The following KLHL1 variants were observed in gnomAD, a reference collection of about 807,000 sequenced individuals.
The protein encoded by KLHL1 is kelch like family member 1.
In KLHL1, 47 loss-of-function variants were observed where a neutral mutation model predicts 77.7. The observed-to-expected ratio is 0.60, with a 90% CI of 0.48 to 0.77. The LOEUF is 0.77. KLHL1 is among the 30% of genes least tolerant of loss of function. The pLI is 0.00. For missense variants in KLHL1, 925 were observed against 910.8 expected, an observed-to-expected ratio of 1.02 and a Z score of -0.20; for synonymous variants, 360 against 325.2, an observed-to-expected ratio of 1.11 and a Z score of -1.15.
chr13:69,953,487 T>C (rs2137258019), intron 3 of KLHL1, among the ~76,000 whole-genome samples: 1 of 151,310 alleles, frequency 6.6e-6, no homozygotes, highest in East Asian at 1.9e-4. Flanking sequence ...AATTAGGCCA[T>C]GATTTTACAT....
intron 6 of KLHL1, among the ~76,000 whole-genome samples, chr13:69,817,003 AG>A (rs1237674535): frequency 2.6e-5 from 4 of 151,846 alleles, no homozygotes; most frequent in Non-Finnish European, 5.9e-5. Flanking sequence ...TAATAAAAAA[AG>A]CTTTACAACA....
intron 5 of KLHL1, among the ~76,000 whole-genome samples, chr13:69,852,558 A>G (rs1879733524): frequency 6.6e-6 from 1 of 152,032 alleles, no homozygotes; most frequent in African/African-American, 2.4e-5. Flanking sequence ...AGAAGGTATC[A>G]GTCAGCATTT....
intron 4 of KLHL1, among the ~76,000 whole-genome samples, chr13:69,929,671 T>A (rs955809281): frequency 6.6e-6 from 1 of 151,918 alleles, no homozygotes; most frequent in African/African-American, 2.4e-5. Context: ...AATTAAATTT[T>A]AGATCAATAT....
At chr13:69,837,832 A>T (rs1164068677) in intron 6 of KLHL1, among the ~76,000 whole-genome samples, 1 of 151,362 alleles carries the variant, frequency 6.6e-6, no homozygotes. Flanking sequence ...TTCTTCAATA[A>T]TAGTATATTC....
rs1452629775 is a variant in KLHL1 at position 69,997,735 on chromosome 13, CAT to C, written c.498-21935_498-21934del. Among the ~76,000 whole-genome samples, 6 of 146,824 alleles carry C rather than the reference CAT, an allele frequency of 4.1e-5. No homozygotes were observed. In the East Asian group the frequency reaches 5.9e-4, roughly 14 times the overall value. On this transcript the variant is annotated intron_variant, in intron 1 of 10. Coordinates refer to ENST00000377844, the MANE Select transcript of KLHL1 (RefSeq NM_020866.3). ...TTACATAAACATATGTATTAATAAA[CAT>C]ATTTATATTATATGAATATAAATAT...
At chr13:69,737,996 A>G (rs933197071) in intron 8 of KLHL1, among the ~76,000 whole-genome samples, 1 of 152,176 alleles carries the variant, frequency 6.6e-6, no homozygotes. Context: ...GGCTGGCATC[A>G]GGTTGGTGCC....
intron 4 of KLHL1, among the ~76,000 whole-genome samples, chr13:69,898,195 A>G (rs2138221471): frequency 6.6e-6 from 1 of 152,348 alleles, no homozygotes; most frequent in Non-Finnish European, 1.5e-5. Context: ...GGCCTGCTCC[A>G]GGATAGCCTC....
intron 9 of KLHL1, among the ~76,000 whole-genome samples, chr13:69,715,266 A>ACTTGG (rs1876065234): frequency 6.6e-6 from 1 of 152,094 alleles, no homozygotes; most frequent in Non-Finnish European, 1.5e-5. Context: ...TGAGGGAGAA[A>ACTTGG]CTTGGTGGGG....
intron 1 of KLHL1, among the ~76,000 whole-genome samples, chr13:69,982,763 T>A (rs1466794698): frequency 6.6e-6 from 1 of 151,774 alleles, no homozygotes; most frequent in Non-Finnish European, 1.5e-5. Context: ...AAAATAGACT[T>A]TAAGACAAAA....
At chr13:69,956,796 T>C (rs560837523) in intron 3 of KLHL1, among the ~76,000 whole-genome samples, 4 of 151,766 alleles carry the variant, frequency 2.6e-5, no homozygotes, top group African/African-American at 9.6e-5. Flanking sequence ...GTGATCTATC[T>C]CAAGAAGATT....
intron 1 of KLHL1, among the ~76,000 whole-genome samples, chr13:70,047,660 G>C (rs578003193): frequency 3.3e-5 from 5 of 152,102 alleles, no homozygotes; most frequent in African/African-American, 1.2e-4. Context: ...CAAAATTTCT[G>C]AACACGGTGC....
intron 9 of KLHL1, among the ~76,000 whole-genome samples, chr13:69,716,024 T>C (rs1336378409): frequency 6.6e-6 from 1 of 152,096 alleles, no homozygotes; most frequent in East Asian, 1.9e-4. Context: ...CAAATGCAAA[T>C]CTGGATTTGC....
intron 1 of KLHL1, among the ~76,000 whole-genome samples, chr13:70,105,267 GT>G (rs1377284337): frequency 6.6e-6 from 1 of 151,770 alleles, no homozygotes; most frequent in African/African-American, 2.4e-5. Flanking sequence ...TAAGTCTGGT[GT>G]TTTTTCCCTA....
intron 5 of KLHL1, among the ~76,000 whole-genome samples, chr13:69,876,189 G>C (rs1172286275): frequency 5.3e-5 from 8 of 152,156 alleles, no homozygotes; most frequent in African/African-American, 1.9e-4. Context: ...TAAATTTCTT[G>C]AGTGTAATCT....
chr13:69,934,124 G>T (rs1031829512), intron 4 of KLHL1, among the ~76,000 whole-genome samples: 3 of 152,002 alleles, frequency 2.0e-5, no homozygotes, highest in African/African-American at 7.2e-5. Context: ...GATTTTGAAA[G>T]GAGTAAATTT....
chr13:70,002,704 A>C (rs1407790643), intron 1 of KLHL1, among the ~76,000 whole-genome samples: 2 of 151,706 alleles, frequency 1.3e-5, no homozygotes, highest in African/African-American at 4.8e-5. Flanking sequence ...TGATCTTAAC[A>C]TGACTTGCTT....
intron 1 of KLHL1, among the ~76,000 whole-genome samples, chr13:69,987,542 T>C (rs947018347): frequency 1.3e-5 from 2 of 150,132 alleles, no homozygotes; most frequent in Non-Finnish European, 3.0e-5. Context: ...AAAAAGGAAG[T>C]GAAAAGGAAG....
chr13:70,029,159 G>A (rs903032483), intron 1 of KLHL1, among the ~76,000 whole-genome samples: 1 of 152,052 alleles, frequency 6.6e-6, no homozygotes, highest in Non-Finnish European at 1.5e-5. Context: ...GACTGGTAAT[G>A]CACATCCAAA....
chr13:69,921,019 A>C (rs1882615174), intron 4 of KLHL1, among the ~76,000 whole-genome samples: 1 of 152,206 alleles, frequency 6.6e-6, no homozygotes, highest in African/African-American at 2.4e-5. Context: ...TTGGCAGATA[A>C]AATGAAGAGC....
Sources: gnomAD v4.1 joint callset for allele counts (sites outside exome capture counted in the v4.1 genomes callset) on GRCh38, gnomAD v4.1.1 for gene constraint, MANE v1.5 for transcripts, NCBI Gene and HGNC (gene_info 2026-07-23, HGNC 2026-07-21) for gene names.